MACROD2: variants seen among roughly 807,000 people sequenced by gnomAD.
MACROD2 encodes ADP-ribose glycohydrolase MACROD2.
MACROD2 carries 36 observed loss-of-function variants against 70.4 expected under a neutral mutation model. That is an observed-to-expected ratio of 0.51 (90% CI 0.39 to 0.68). The LOEUF (loss-of-function observed/expected upper bound fraction) is 0.68, where lower values mean the gene tolerates loss of function less well. Ranked by LOEUF, MACROD2 falls within the 30% of genes least tolerant of loss-of-function variation. The pLI is 0.00. For missense variants in MACROD2, 496 were observed against 538.4 expected (o/e 0.92, Z 0.78); for synonymous variants, 172 against 178.8 (o/e 0.96, Z 0.30).
chr20:15,527,560 A>G (rs1218742058), intron 8 of MACROD2, among the ~76,000 whole-genome samples: 1 of 152,098 alleles, frequency 6.6e-6, no homozygotes, highest in African/African-American at 2.4e-5. Context: ...TGTTGCAGCC[A>G]TTTTTCTCCC....
intron 4 of MACROD2, among the ~76,000 whole-genome samples, chr20:14,639,536 A>C (rs969568881): frequency 2.0e-5 from 3 of 152,190 alleles, no homozygotes; most frequent in Admixed American, 6.5e-5. Context: ...GTGGCCAGAC[A>C]GGACTGTGGT....
intron 5 of MACROD2, among the ~76,000 whole-genome samples, chr20:15,143,169 A>C (rs1384594152): frequency 1.3e-5 from 2 of 152,084 alleles, no homozygotes; most frequent in East Asian, 1.9e-4. Context: ...CCTCTCCAGC[A>C]CCTGTTGTTT....
intron 8 of MACROD2, among the ~76,000 whole-genome samples, chr20:15,575,193 A>G (rs2048429750): frequency 6.6e-6 from 1 of 152,138 alleles, no homozygotes; most frequent in Admixed American, 6.6e-5. Context: ...TTTTTCTTGC[A>G]AGGTTTGCTT....
chr20:15,980,241 T>A (rs1018441673), intron 13 of MACROD2, among the ~76,000 whole-genome samples: 5 of 152,254 alleles, frequency 3.3e-5, no homozygotes, highest in African/African-American at 1.2e-4. Context: ...GTTTCGGGCC[T>A]GGTGCAGGGC....
At chr20:15,684,577 G>A (rs2050202355) in intron 8 of MACROD2, among the ~76,000 whole-genome samples, 1 of 152,100 alleles carries the variant, frequency 6.6e-6, no homozygotes. Flanking sequence ...ATCCATATTG[G>A]CTTAATAAAA....
At chr20:15,642,861 C>T (rs377068836) in intron 8 of MACROD2, among the ~76,000 whole-genome samples, 20 of 152,038 alleles carry the variant, frequency 1.3e-4, no homozygotes, top group Non-Finnish European at 2.6e-4. Flanking sequence ...TGCATACACA[C>T]GGGACATTCT....
At position 14,923,963 on chromosome 20, in the gene MACROD2, G is replaced by A. The variant is rs539559086; in HGVS notation, c.418+239004G>A. Among the ~76,000 whole-genome samples the A allele has an allele frequency of 2.0e-5, 3 of 152,234 alleles. No individual in the cohort carries two copies. The South Asian group carries it at 6.2e-4, about 32-fold the overall frequency. On this transcript the variant is annotated intron_variant, in intron 5 of 17. Coordinates refer to ENST00000684519, the MANE Select transcript of MACROD2 (RefSeq NM_001351661.2). The stretch of plus-strand genomic sequence containing the variant: ...TAAAAAGTTAATTTTCCGTTTACGA[G>A]CAAACCTTTTTGGGTCTTTGAGGTC...
intron 6 of MACROD2, among the ~76,000 whole-genome samples, chr20:15,287,803 A>G (rs114180359): frequency 6.6e-6 from 1 of 152,246 alleles, no homozygotes; most frequent in Non-Finnish European, 1.5e-5. Flanking sequence ...GTATTTTATT[A>G]TAAAGTTTGC....
At chr20:15,515,876 T>C (rs984504619) in intron 8 of MACROD2, among the ~76,000 whole-genome samples, 10 of 152,206 alleles carry the variant, frequency 6.6e-5, no homozygotes, top group African/African-American at 1.9e-4. Flanking sequence ...TCCTTTATCT[T>C]GGACAGATGG....
At chr20:15,772,086 A>G (rs1272796424) in intron 8 of MACROD2, among the ~76,000 whole-genome samples, 1 of 48,234 alleles carries the variant, frequency 2.1e-5, no homozygotes, top group African/African-American at 7.7e-5. Flanking sequence ...CTCGGTCTCA[A>G]AAAAAAAAAA....
chr20:15,593,062 C>T (rs1346761096), intron 8 of MACROD2, among the ~76,000 whole-genome samples: 1 of 152,096 alleles, frequency 6.6e-6, no homozygotes, highest in Non-Finnish European at 1.5e-5. Flanking sequence ...CAAACCAACC[C>T]GGGCTGCAAT....
chr20:14,991,217 T>C (rs1436274338), intron 5 of MACROD2, among the ~76,000 whole-genome samples: 1 of 152,032 alleles, frequency 6.6e-6, no homozygotes, highest in East Asian at 1.9e-4. Flanking sequence ...AAAAAAAATC[T>C]CACGTTGCCC....
intron 5 of MACROD2, among the ~76,000 whole-genome samples, chr20:14,952,860 A>G (rs2074486825): frequency 1.3e-5 from 2 of 152,182 alleles, no homozygotes; most frequent in Non-Finnish European, 2.9e-5. Context: ...TTCTCCTAAA[A>G]CAATAGAAAG....
intron 8 of MACROD2, among the ~76,000 whole-genome samples, chr20:15,750,536 C>T (rs1260194356): frequency 6.6e-6 from 1 of 150,782 alleles, no homozygotes; most frequent in Non-Finnish European, 1.5e-5. Flanking sequence ...TCAGTACATA[C>T]TTCTAGCTAC....
At chr20:15,880,694 C>T (rs962021511) in intron 9 of MACROD2, among the ~76,000 whole-genome samples, 8 of 151,986 alleles carry the variant, frequency 5.3e-5, no homozygotes, top group Non-Finnish European at 1.0e-4. Flanking sequence ...AAAGGCTCAA[C>T]CCTAAAGGGT....
chr20:14,162,397 T>C (rs1018959901), intron 3 of MACROD2, among the ~76,000 whole-genome samples: 1 of 152,222 alleles, frequency 6.6e-6, no homozygotes, highest in Admixed American at 6.5e-5. Flanking sequence ...TGGTCTAATA[T>C]GCACTTTAAA....
intron 8 of MACROD2, among the ~76,000 whole-genome samples, chr20:15,850,946 A>G (rs556808548): frequency 1.3e-5 from 2 of 152,242 alleles, no homozygotes; most frequent in South Asian, 4.1e-4. Flanking sequence ...TCCTGAAATT[A>G]CTAGTAAGCA....
At chr20:14,207,347 G>A (rs1018956384) in intron 3 of MACROD2, among the ~76,000 whole-genome samples, 12 of 152,090 alleles carry the variant, frequency 7.9e-5, no homozygotes, top group African/African-American at 2.4e-4. Context: ...TGGTCCGCCC[G>A]TCTTGGCCTC....
chr20:14,960,042 T>C (rs1029943375), intron 5 of MACROD2, among the ~76,000 whole-genome samples: 1 of 152,184 alleles, frequency 6.6e-6, no homozygotes, highest in Non-Finnish European at 1.5e-5. Context: ...GTACAAATTC[T>C]CTTCCCAAAG....
Sources: gnomAD v4.1 joint callset for allele counts (sites outside exome capture counted in the v4.1 genomes callset) on GRCh38, gnomAD v4.1.1 for gene constraint, MANE v1.5 for transcripts, NCBI Gene and HGNC (gene_info 2026-07-23, HGNC 2026-07-21) for gene names.